USP12: variants seen among roughly 807,000 people sequenced by gnomAD.
USP12 encodes the protein ubiquitin carboxyl-terminal hydrolase 12.
A neutral mutation model predicts 45.5 loss-of-function variants in USP12; 19 were observed. The observed-to-expected ratio is 0.42, with a 90% CI of 0.29 to 0.61. The LOEUF (loss-of-function observed/expected upper bound fraction) is 0.61, where lower values mean the gene tolerates loss of function less well. Among genes scored for constraint, USP12 ranks in the 20% least tolerant of loss-of-function variants. The pLI is 0.22. For synonymous variants in USP12, 149 were observed against 148.8 expected (o/e 1.00, Z -0.01); for missense variants, 242 against 447.7 (o/e 0.54, Z 4.15).
intron 1 of USP12, among the ~76,000 whole-genome samples, chr13:27,154,625 C>G (rs908542658): frequency 6.6e-6 from 1 of 152,110 alleles, no homozygotes; most frequent in Admixed American, 6.5e-5. Context: ...ATTTTCACCT[C>G]TAATACATTT....
intron 1 of USP12, among the ~76,000 whole-genome samples, chr13:27,141,147 C>G (rs1438019379): frequency 6.6e-6 from 1 of 151,678 alleles, no homozygotes; most frequent in Admixed American, 6.6e-5. Context: ...TCCCGAGTAG[C>G]TGGGACTACA....
intron 1 of USP12, among the ~76,000 whole-genome samples, chr13:27,148,622 C>CTGTCTTGAAAAAACAAAAA (rs1877417031): frequency 6.8e-6 from 1 of 147,510 alleles, no homozygotes; most frequent in African/African-American, 2.5e-5. Context: ...TGCAGTGAGC[C>CTGTCTTGAAAAAACAAAAA]CAGATCACAC....
chr13:27,138,730 GT>G, intron 1 of USP12, among the ~76,000 whole-genome samples: 1 of 152,218 alleles, frequency 6.6e-6, no homozygotes, highest in East Asian at 1.9e-4. Flanking sequence ...CGTATTTTCA[GT>G]TTGAAAGTGC....
intron 1 of USP12, among the ~76,000 whole-genome samples, chr13:27,132,917 A>G (rs893172873): frequency 4.6e-5 from 7 of 152,236 alleles, no homozygotes; most frequent in African/African-American, 1.7e-4. Flanking sequence ...AGGAGGCTCC[A>G]TTGAGCCAGC....
At chr13:27,098,002 T>C (rs1014180338) in intron 3 of USP12, among the ~76,000 whole-genome samples, 1 of 115,050 alleles carries the variant, frequency 8.7e-6, no homozygotes. Flanking sequence ...TTTTTTTTTT[T>C]GAGATGGAGT....
intron 1 of USP12, among the ~76,000 whole-genome samples, chr13:27,154,024 T>C (rs1877703675): frequency 6.6e-6 from 1 of 152,222 alleles, no homozygotes; most frequent in South Asian, 2.1e-4. Flanking sequence ...CTTCTGATAC[T>C]ATCTTTAACC....
At chr13:27,131,680 T>C (rs1351750579) in intron 1 of USP12, among the ~76,000 whole-genome samples, 1 of 152,220 alleles carries the variant, frequency 6.6e-6, no homozygotes, top group Non-Finnish European at 1.5e-5. Flanking sequence ...CCCTTTCATA[T>C]GCTTTGTATA....
chr13:27,140,734 T>C (rs1438526915), intron 1 of USP12, among the ~76,000 whole-genome samples: 1 of 152,222 alleles, frequency 6.6e-6, no homozygotes, highest in Non-Finnish European at 1.5e-5. Context: ...TTAGATATAA[T>C]AAATTCAAAG....
At chr13:27,146,468 G>A (rs1877314536) in intron 1 of USP12, among the ~76,000 whole-genome samples, 1 of 152,184 alleles carries the variant, frequency 6.6e-6, no homozygotes. Flanking sequence ...GGAGAGGAGT[G>A]AGCAGTTATG....
Position 27,085,481 on chromosome 13 carries a change from G to A in USP12, c.734+4402C>T, listed in dbSNP as rs544740413. 1.8e-4 allele frequency among the ~76,000 whole-genome samples: 28 copies of A among 151,984 alleles called. No individual in the cohort carries two copies. The South Asian group carries it at 5.8e-3, about 32-fold the overall frequency. ...CAGGCGTGAGCCACCGCATCTGGCC[G>A]TCAAATTGATTTTTGGTTTTTTACT... is the stretch of plus-strand genomic sequence containing the variant. On this transcript the variant is annotated intron_variant, in intron 6 of 8. Coordinates refer to ENST00000282344, the MANE Select transcript of USP12 (RefSeq NM_182488.4).
rs912282442 is a variant in USP12 at position 27,129,642 on chromosome 13, G to A, written c.49-13046C>T. 7.2e-5 allele frequency among the ~76,000 whole-genome samples: 11 copies of A among 152,146 alleles called. No homozygotes were observed. The highest frequency in any genetic ancestry group is 2.7e-4 in the African/African-American group (11 of 41,416). On this transcript the variant is annotated intron_variant, in intron 1 of 8. Transcript: ENST00000282344. The surrounding 1 kb of genome is among the most constrained non-coding windows in gnomAD (Gnocchi z 4.0). ...GGATCATTAAGCCCAGGAGTTCGAG[G>A]CTGCAGTGAACTATGACCTGGGCGA...
chr13:27,102,307 A>T (rs1057245267), intron 3 of USP12, among the ~76,000 whole-genome samples: 2 of 152,176 alleles, frequency 1.3e-5, no homozygotes, highest in Non-Finnish European at 2.9e-5. Flanking sequence ...ACCTGTAAAG[A>T]GAGGACTCCA....
intron 6 of USP12, among the ~76,000 whole-genome samples, chr13:27,087,920 A>G (rs1874136044): frequency 1.3e-5 from 2 of 152,252 alleles, no homozygotes; most frequent in African/African-American, 4.8e-5. Context: ...AAGTGAATAA[A>G]ATGAAAGTTC....
intron 1 of USP12, among the ~76,000 whole-genome samples, chr13:27,152,709 G>A (rs553328810): frequency 2.0e-5 from 3 of 152,208 alleles, no homozygotes; most frequent in Admixed American, 6.5e-5. Context: ...TTGGGAGGCC[G>A]AGGCGGGTGG....
Position 27,069,173 on chromosome 13 carries a change from C to G in USP12, c.*110G>C. ...TTATCGTGTGCAAAGTGTGCTACTG[C>G]CCCCTGAGCTTCCTGCATTTCTCTT... On this transcript the variant is annotated 3_prime_UTR_variant, in exon 9 of 9. Transcript: ENST00000282344. 5.9e-6 allele frequency: 5 copies of G among 848,524 alleles called. No homozygotes were observed. In the Admixed American group the frequency reaches 1.0e-4, roughly 17 times the overall value. The allele number at this position is 848,524 out of a possible 1,614,324, so 52.6% of individuals were successfully genotyped here. A position where few individuals can be genotyped will look rare whatever the true frequency, so the allele number is the denominator to read the frequency against.
intron 1 of USP12, among the ~76,000 whole-genome samples, chr13:27,120,638 G>T (rs1161611074): frequency 1.4e-5 from 2 of 143,010 alleles, no homozygotes; most frequent in Admixed American, 7.0e-5. Context: ...AAAAAAAAAA[G>T]TTCTGCTCTG....
chr13:27,095,455 T>A (rs754300304), intron 4 of USP12, 146 bp downstream of exon 4: 6 of 577,570 alleles, frequency 1.0e-5, no homozygotes, highest in Admixed American at 3.7e-5. Context: ...TACAGACAGA[T>A]TCCTTTTAAC....
intron 1 of USP12, among the ~76,000 whole-genome samples, chr13:27,142,814 G>A (rs1381339864): frequency 6.6e-6 from 1 of 151,960 alleles, no homozygotes; most frequent in African/African-American, 2.4e-5. Flanking sequence ...AGTGGAAGAG[G>A]CCAGGTGCAG....
Position 27,158,393 on chromosome 13 carries a change from G to C in USP12, c.48+13199C>G, listed in dbSNP as rs557334488. ...TTCTGGACTTCTAGCCTACAGAATT[G>C]TTAGGACGATAAATTTCTGTTACAG... On this transcript the variant is annotated intron_variant, in intron 1 of 8. Transcript: ENST00000282344. Among the ~76,000 whole-genome samples, 6 of 152,340 alleles carry C rather than the reference G, an allele frequency of 3.9e-5. No homozygotes were observed. In the South Asian group the frequency reaches 1.2e-3, roughly 32 times the overall value.
Sources: gnomAD v4.1 joint callset for allele counts (sites outside exome capture counted in the v4.1 genomes callset) on GRCh38, gnomAD v4.1.1 for gene constraint, Gnocchi (gnomAD v3.1) non-coding constraint, MANE v1.5 for transcripts, NCBI Gene and HGNC (gene_info 2026-07-23, HGNC 2026-07-21) for gene names.